The following AMOTL1 variants were observed in gnomAD, a reference collection of about 807,000 sequenced individuals.
AMOTL1 encodes the protein angiomotin-like protein 1.
In AMOTL1, 45 loss-of-function variants were observed where a neutral mutation model predicts 102.9. The observed-to-expected ratio is 0.44, with a 90% confidence interval of 0.34 to 0.56. AMOTL1 has a LOEUF of 0.56. Ranked by LOEUF, AMOTL1 falls within the 20% of genes least tolerant of loss-of-function variation. AMOTL1 has a pLI of 0.01. For missense variants in AMOTL1, 1,114 were observed against 1,225.6 expected, an observed-to-expected ratio of 0.91 and a Z score of 1.36; for synonymous variants, 481 against 484.7, an observed-to-expected ratio of 0.99 and a Z score of 0.10.
intron 4 of AMOTL1, among the ~76,000 whole-genome samples, chr11:94,823,374 C>A (rs1259096900): frequency 6.6e-6 from 1 of 152,118 alleles, no homozygotes; most frequent in African/African-American, 2.4e-5. Flanking sequence ...CTCACTCCCA[C>A]CCCCTCTTGC....
chr11:94,796,043 T>A (rs2135563054), intron 2 of AMOTL1, among the ~76,000 whole-genome samples: 1 of 152,354 alleles, frequency 6.6e-6, no homozygotes, highest in East Asian at 1.9e-4. Flanking sequence ...GGGTAGTTAA[T>A]GGTTTATTAC....
intron 2 of AMOTL1, among the ~76,000 whole-genome samples, chr11:94,731,012 A>G (rs567918118): frequency 1.3e-5 from 2 of 152,302 alleles, no homozygotes; most frequent in Non-Finnish European, 2.9e-5. Flanking sequence ...TAAAAACTCC[A>G]TACTGTGACC....
chr11:94,768,302 G>C (rs1950882692), upstream of AMOTL1: 3 of 1,344,314 alleles, frequency 2.2e-6, no homozygotes, highest in East Asian at 3.0e-5. Context: ...TGACGAGCCC[G>C]GGCGACCCTC....
At chr11:94,739,053 A>G (rs1950479889) in intron 2 of AMOTL1, among the ~76,000 whole-genome samples, 3 of 152,230 alleles carry the variant, frequency 2.0e-5, no homozygotes. Flanking sequence ...ATCAGATGCC[A>G]TTATCTTCAA....
intron 3 of AMOTL1, among the ~76,000 whole-genome samples, chr11:94,805,197 A>G (rs1351283893): frequency 2.0e-5 from 3 of 152,196 alleles, no homozygotes; most frequent in Non-Finnish European, 4.4e-5. Flanking sequence ...TTTATAGAAT[A>G]TATCACATGT....
At chr11:94,852,033 G>C (rs1190591439) in intron 7 of AMOTL1, among the ~76,000 whole-genome samples, 1 of 152,182 alleles carries the variant, frequency 6.6e-6, no homozygotes, top group East Asian at 1.9e-4. Context: ...CAAATCTCTT[G>C]GTGCTTATAT....
At chr11:94,724,190 T>A (rs1490262305) in intron 1 of AMOTL1, among the ~76,000 whole-genome samples, 1 of 152,152 alleles carries the variant, frequency 6.6e-6, no homozygotes, top group East Asian at 1.9e-4. Context: ...CACCCTCTAC[T>A]TGTAACCAAG....
chr11:94,824,870 A>G (rs1951935264), intron 4 of AMOTL1, among the ~76,000 whole-genome samples: 1 of 152,234 alleles, frequency 6.6e-6, no homozygotes, highest in Non-Finnish European at 1.5e-5. Context: ...GGGCAGAACT[A>G]AAAATAGATG....
intron 3 of AMOTL1, among the ~76,000 whole-genome samples, chr11:94,815,882 G>A (rs552101944): frequency 9.2e-5 from 14 of 152,184 alleles, no homozygotes; most frequent in Non-Finnish European, 1.6e-4. Context: ...GAAAGTCCAC[G>A]TATGCCATGA....
At chr11:94,791,170 C>G (rs61356209) in intron 1 of AMOTL1, among the ~76,000 whole-genome samples, 6,152 of 152,218 alleles carry the variant, frequency 0.04, 407 homozygotes, top group African/African-American at 0.14. Flanking sequence ...TTCATGTTGA[C>G]AAATGACGTG....
intron 11 of AMOTL1, among the ~76,000 whole-genome samples, chr11:94,867,308 C>T (rs942235142): frequency 2.0e-5 from 3 of 152,210 alleles, no homozygotes; most frequent in Admixed American, 6.5e-5. Context: ...TCATCAAAGA[C>T]TGTCCCAAGG....
chr11:94,829,299 T>C (rs1952028630), intron 4 of AMOTL1, among the ~76,000 whole-genome samples: 1 of 151,428 alleles, frequency 6.6e-6, no homozygotes, highest in African/African-American at 2.4e-5. Flanking sequence ...TCTTGCTCAC[T>C]GCAACCTTCG....
chr11:94,781,404 G>A (rs1951109938), intron 1 of AMOTL1, among the ~76,000 whole-genome samples: 1 of 152,168 alleles, frequency 6.6e-6, no homozygotes, highest in Non-Finnish European at 1.5e-5. Context: ...TTGATTGTCA[G>A]CATTTTCATC....
At chr11:94,752,377 G>T (rs562339426) in intron 3 of AMOTL1, among the ~76,000 whole-genome samples, 1 of 152,112 alleles carries the variant, frequency 6.6e-6, no homozygotes, top group Non-Finnish European at 1.5e-5. Flanking sequence ...AATGGAATAG[G>T]TCAGATTATA....
intron 1 of AMOTL1, among the ~76,000 whole-genome samples, chr11:94,777,332 T>C (rs1951040807): frequency 1.3e-5 from 2 of 152,190 alleles, no homozygotes. Context: ...AAATGGTGAA[T>C]AAATATACCT....
intron 11 of AMOTL1, among the ~76,000 whole-genome samples, chr11:94,868,450 C>G (rs1451193114): frequency 1.3e-5 from 2 of 152,188 alleles, no homozygotes; most frequent in East Asian, 3.8e-4. Flanking sequence ...CTCCCATTTC[C>G]ATAGCCAGCA....
chr11:94,775,590 C>G (rs1951016334), intron 1 of AMOTL1, among the ~76,000 whole-genome samples: 1 of 151,960 alleles, frequency 6.6e-6, no homozygotes, highest in Non-Finnish European at 1.5e-5. Flanking sequence ...TCACTTGTGG[C>G]TATTTAAATT....
At chr11:94,741,215 TGTGTGCGTGC>T (rs895521454) in intron 3 of AMOTL1, among the ~76,000 whole-genome samples, 3 of 151,660 alleles carry the variant, frequency 2.0e-5, no homozygotes, top group Admixed American at 1.3e-4. Context: ...CGTGTGTGTG[TGTGTGCGTGC>T]GTGTGCGTGT....
intron 9 of AMOTL1, among the ~76,000 whole-genome samples, chr11:94,862,537 G>A (rs573140728): frequency 6.6e-5 from 10 of 152,204 alleles, no homozygotes; most frequent in African/African-American, 2.4e-4. Context: ...TGATGGTGTT[G>A]GTCAGAATTT....
Sources: allele counts gnomAD v4.1 joint callset (sites outside exome capture counted in the v4.1 genomes callset), GRCh38; gene constraint gnomAD v4.1.1; transcripts MANE v1.5; gene names NCBI Gene and HGNC (gene_info 2026-07-23, HGNC 2026-07-21).